The following MYOZ3 variants were observed in gnomAD, a reference collection of about 807,000 sequenced individuals.
The protein encoded by MYOZ3 is myozenin 3, also known as myozenin-3.
Under a neutral mutation model 26.5 loss-of-function variants are expected in MYOZ3, and 19 were observed. That is an observed-to-expected ratio of 0.72 (90% CI 0.50 to 1.05). The LOEUF (loss-of-function observed/expected upper bound fraction) is 1.05. Among genes scored for constraint, MYOZ3 ranks in the 50% least tolerant of loss-of-function variants. The pLI is 0.00. For synonymous variants in MYOZ3, 135 were observed against 138.8 expected (o/e 0.97, Z 0.19); for missense variants, 322 against 337.1 (o/e 0.96, Z 0.35).
At chr5:150,673,306 A>G (rs1397531749) in intron 6 of MYOZ3, 2 of 152,072 alleles carry the variant, frequency 1.3e-5, no homozygotes, top group Non-Finnish European at 2.9e-5. Context: ...GGCAAGTAAG[A>G]CACTTGCAAC....
chr5:150,675,242 G>T (rs533005882), intron 6 of MYOZ3, among the ~76,000 whole-genome samples: 2 of 149,414 alleles, frequency 1.3e-5, no homozygotes, highest in African/African-American at 2.6e-5. Flanking sequence ...GTGTGTGGGG[G>T]TGTGTGTGTT....
chr5:150,672,602 C>G (rs1758939476), intron 6 of MYOZ3, 100 bp downstream of exon 6: 1 of 1,367,452 alleles, frequency 7.3e-7, no homozygotes. Flanking sequence ...TTCTGCAGGC[C>G]AGGCTCTGTC....
At chr5:150,669,546 T>C (rs913068127) in intron 2 of MYOZ3, among the ~76,000 whole-genome samples, 7 of 150,988 alleles carry the variant, frequency 4.6e-5, no homozygotes, top group Non-Finnish European at 1.0e-4. Flanking sequence ...GTGTTAATAG[T>C]GGCAGTCTCT....
intron 2 of MYOZ3, among the ~76,000 whole-genome samples, chr5:150,665,032 C>CTT (rs1231623526): frequency 3.1e-5 from 4 of 130,768 alleles, no homozygotes; most frequent in African/African-American, 1.2e-4. Context: ...TTTTTTTTTT[C>CTT]ATTTAGCAGC....
Position 150,678,089 on chromosome 5 carries a change from T to C in MYOZ3, c.*1214T>C, listed in dbSNP as rs943386279. 8.5e-5 allele frequency: 13 copies of C among 152,846 alleles called. No individual in the cohort carries two copies. Among genetic ancestry groups the C allele is most frequent in the African/African-American group, 3.1e-4 (13 of 41,538 alleles). 9.5% of individuals were successfully genotyped at this position (152,846 alleles called of 1,614,324 possible). A position where few individuals can be genotyped will look rare whatever the true frequency, so the allele number is the denominator to read the frequency against. ...ATGGGGAAGGTTTTAGTGATGGGTC[T>C]TGCTGGGTGCTGTGTGGGGCGCATA... On this transcript the variant is annotated 3_prime_UTR_variant, in exon 7 of 7. Coordinates refer to ENST00000517768, the MANE Select transcript of MYOZ3 (RefSeq NM_001122853.3).
At chr5:150,664,488 C>A (rs1758779041) in intron 2 of MYOZ3, among the ~76,000 whole-genome samples, 3 of 152,128 alleles carry the variant, frequency 2.0e-5, no homozygotes, top group African/African-American at 7.2e-5. Context: ...AAAAATAAAT[C>A]TCATAATCTC....
intron 6 of MYOZ3, among the ~76,000 whole-genome samples, chr5:150,675,362 T>A (rs1341731657): frequency 6.7e-6 from 1 of 148,320 alleles, no homozygotes; most frequent in African/African-American, 2.7e-5. Context: ...TGCTGTATAG[T>A]TTTCTTTTTC....
At chr5:150,671,352 T>G in intron 3 of MYOZ3, 1 of 556,028 alleles carries the variant, frequency 1.8e-6, no homozygotes, top group Non-Finnish European at 3.2e-6. Context: ...GAGAAGGACA[T>G]TGAGGCTCAG....
At chr5:150,668,831 T>A (rs1232578046) in intron 2 of MYOZ3, among the ~76,000 whole-genome samples, 4 of 152,240 alleles carry the variant, frequency 2.6e-5, no homozygotes, top group African/African-American at 7.2e-5. Context: ...ATCCTCTAAA[T>A]AGCTGTAAAG....
intron 6 of MYOZ3, among the ~76,000 whole-genome samples, chr5:150,674,749 A>C (rs1758976958): frequency 6.6e-6 from 1 of 152,232 alleles, no homozygotes; most frequent in South Asian, 2.1e-4. Context: ...GCAGTGGCTC[A>C]TGCCTGTAAT....
At chr5:150,671,522 T>G in intron 3 of MYOZ3, 75 bp from the exon 4 acceptor site, 1 of 1,512,704 alleles carries the variant, frequency 6.6e-7, no homozygotes, top group Non-Finnish European at 9.1e-7. Flanking sequence ...CGACCTTTTT[T>G]TTTGGTGGAG....
chr5:150,662,948 C>T lies in MYOZ3; in HGVS notation c.7C>T (p.Pro3Ser). Residue 3 changes from proline (P) to serine (S), a missense_variant, in exon 2 of 7, where the codon CCC becomes TCC. Pro to Ser is a moderately conservative substitution (Grantham distance 74). Coordinates refer to ENST00000517768, the MANE Select transcript of MYOZ3 (RefSeq NM_001122853.3). ...GGGGTCTCTCCTCCACAGGATGATCCCCAAGGAGCAGAAGGGGCCAGTGAT... is the reference window on the plus strand; with the variant it reads ...GGGGTCTCTCCTCCACAGGATGATCTCCAAGGAGCAGAAGGGGCCAGTGAT... MI[P>S]KEQKGPVMAA... 1.2e-6 allele frequency: 2 copies of T among 1,611,578 alleles called. No individual in the cohort carries two copies. The highest frequency in any genetic ancestry group is 2.2e-5 in the South Asian group (2 of 90,522).
chr5:150,663,299 AT>A (rs1168625805), intron 2 of MYOZ3, among the ~76,000 whole-genome samples: 2 of 152,214 alleles, frequency 1.3e-5, no homozygotes, highest in African/African-American at 4.8e-5. Flanking sequence ...TCAGCCCCAA[AT>A]TAAGCTCTGA....
chr5:150,674,281 G>C (rs561717209), intron 6 of MYOZ3, among the ~76,000 whole-genome samples: 14 of 152,210 alleles, frequency 9.2e-5, no homozygotes, highest in Non-Finnish European at 1.6e-4. Flanking sequence ...TCCAGGCTGG[G>C]CCACTCAGGT....
chr5:150,675,609 G>C lies in MYOZ3; in HGVS notation c.588-1098G>C, dbSNP rs1180921684. On this transcript the variant is annotated intron_variant, in intron 6 of 6. Coordinates refer to ENST00000517768, the MANE Select transcript of MYOZ3 (RefSeq NM_001122853.3). Reference sequence around the variant, plus strand: ...GCTGGTCTCGAACTCCTGACCTCAGGTGATCGGCCCTCCTCGGCCTCCCAA... The same window carrying C: ...GCTGGTCTCGAACTCCTGACCTCAGCTGATCGGCCCTCCTCGGCCTCCCAA... Among the ~76,000 whole-genome samples the C allele has an allele frequency of 3.9e-5, 6 of 152,294 alleles. No homozygotes were observed. In the East Asian group the frequency reaches 1.2e-3, roughly 29 times the overall value.
At chr5:150,666,253 C>T (rs572719442) in intron 2 of MYOZ3, among the ~76,000 whole-genome samples, 5 of 152,174 alleles carry the variant, frequency 3.3e-5, no homozygotes, top group African/African-American at 1.2e-4. Flanking sequence ...GCTGTGGTGA[C>T]ATGTCTCCTT....
At position 150,661,380 on chromosome 5, in the gene MYOZ3, T is replaced by C. The variant is rs1758728429; in HGVS notation, c.-49T>C. On this transcript the variant is annotated 5_prime_UTR_variant, in exon 1 of 7. Transcript: ENST00000517768. ...CAGCTTCCCGACAGAGGTGTTAATC[T>C]TGAGGGTCTAAGATTCCCTCCTGCC... 6.6e-6 allele frequency: 1 copy of C among 152,428 alleles called. No individual in the cohort carries two copies. Among genetic ancestry groups the C allele is most frequent in the Non-Finnish European group, 1.5e-5 (1 of 68,064 alleles). The allele number at this position is 152,428 out of a possible 1,614,324, so 9.4% of individuals were successfully genotyped here. A position where few individuals can be genotyped will look rare whatever the true frequency, so the allele number is the denominator to read the frequency against.
intron 3 of MYOZ3, 144 bp downstream of exon 3, chr5:150,670,782 A>C (rs1758893151): frequency 1.4e-6 from 1 of 698,630 alleles, no homozygotes; most frequent in African/African-American, 1.9e-5. Context: ...ATCCTTGAAA[A>C]GTGTTATCTT....
In MYOZ3 at chr5:150,676,774, C is replaced by T. The variant is rs754130113; in HGVS notation, c.655C>T (p.Pro219Ser). ...TCCCAGGCCAGGCACCCCCTTCATC[C>T]CGGAGCCCCTCAGTGGCTTGGAACT... ...TFPRPGTPFI[P>S]EPLSGLELLR... The change falls in exon 7 of 7, where the codon CCG becomes TCG. Residue 219 changes from proline (P) to serine (S), a missense_variant. Coordinates refer to ENST00000517768, the MANE Select transcript of MYOZ3 (RefSeq NM_001122853.3). 9 of 1,614,100 alleles carry T rather than the reference C, an allele frequency of 5.6e-6. No individual in the cohort carries two copies. The highest frequency in any genetic ancestry group is 1.6e-4 in the Middle Eastern group (1 of 6,062).
Sources: gnomAD v4.1 joint callset for allele counts (sites outside exome capture counted in the v4.1 genomes callset) on GRCh38, gnomAD v4.1.1 for gene constraint, MANE v1.5 for transcripts, NCBI Gene and HGNC (gene_info 2026-07-23, HGNC 2026-07-21) for gene names.